The following RIPOR2 variants were observed in gnomAD, a reference collection of about 807,000 sequenced individuals.
The protein encoded by RIPOR2 is RHO family interacting cell polarization regulator 2.
RIPOR2 carries 39 observed loss-of-function variants against 114.5 expected under a neutral mutation model. The observed-to-expected ratio is 0.34, with a 90% CI of 0.26 to 0.44. The LOEUF (loss-of-function observed/expected upper bound fraction) is 0.44. RIPOR2 is among the 20% of genes least tolerant of loss of function. The probability of loss-of-function intolerance (pLI) is 1.00; values close to 1 mark genes in which losing one functional copy is unlikely to be tolerated. For synonymous variants in RIPOR2, 445 were observed against 484.4 expected, an observed-to-expected ratio of 0.92 and a Z score of 1.07; for missense variants, 1,007 against 1,255.1, an observed-to-expected ratio of 0.80 and a Z score of 2.99.
Position 24,805,959 on chromosome 6 carries a change from T to C in RIPOR2, c.*414A>G, listed in dbSNP as rs1780748349. 1 of 163,914 alleles carries C rather than the reference T, an allele frequency of 6.1e-6. No individual in the cohort carries two copies. Among genetic ancestry groups the C allele is most frequent in the Non-Finnish European group, 1.3e-5 (1 of 76,200 alleles). The allele number at this position is 163,914 out of a possible 1,614,324, so 10.2% of individuals were successfully genotyped here. A position where few individuals can be genotyped will look rare whatever the true frequency, so the allele number is the denominator to read the frequency against. On this transcript the variant is annotated 3_prime_UTR_variant, in exon 22 of 22. Coordinates refer to ENST00000643898, the MANE Select transcript of RIPOR2 (RefSeq NM_001286445.3). ...TGTTTTTTTAGTTGTTGTTGTTGTT[T>C]TGTTTTTTGAGACAGGGTTTTGCTC...
chr6:24,870,349 T>A (rs1765037771), intron 5 of RIPOR2, among the ~76,000 whole-genome samples: 1 of 152,222 alleles, frequency 6.6e-6, no homozygotes, highest in Non-Finnish European at 1.5e-5. Context: ...TTAATGGAAG[T>A]GACCTTAAAC....
At chr6:24,850,396 G>T (rs922398546) in intron 10 of RIPOR2, among the ~76,000 whole-genome samples, 2 of 152,056 alleles carry the variant, frequency 1.3e-5, no homozygotes, top group African/African-American at 4.8e-5. Flanking sequence ...CACTACGCCT[G>T]GCCAGAGGTG....
intron 1 of RIPOR2, among the ~76,000 whole-genome samples, chr6:24,934,011 C>A (rs573637282): frequency 7.2e-5 from 11 of 152,316 alleles, no homozygotes; most frequent in Admixed American, 5.9e-4. Flanking sequence ...CACGCATAAT[C>A]CAGAGTGCAG....
chr6:24,940,311 G>A (rs1772056741), upstream of RIPOR2, among the ~76,000 whole-genome samples: 1 of 152,188 alleles, frequency 6.6e-6, no homozygotes, highest in South Asian at 2.1e-4. Flanking sequence ...CAACAGAAGA[G>A]CCTCACAATC....
At chr6:24,851,177 A>G (rs887219575) in intron 9 of RIPOR2, among the ~76,000 whole-genome samples, 29 of 152,114 alleles carry the variant, frequency 1.9e-4, no homozygotes, top group African/African-American at 6.5e-4. Flanking sequence ...TTACAGACAT[A>G]AGCCACTGTG....
rs766425522 is a variant in RIPOR2 at position 25,010,616 on chromosome 6, A to G, written c.76+31235T>C. On this transcript the variant is annotated intron_variant, in intron 1 of 13. Coordinates refer to the RIPOR2 transcript ENST00000510784. ...GATGGCATTTTTTGACTAGAACTCT[A>G]TACTAGGATTGGGCTATGGGAGCGC... Among the ~76,000 whole-genome samples, 24 of 152,206 alleles carry G rather than the reference A, an allele frequency of 1.6e-4. 1 individual carries two copies. The highest frequency in any genetic ancestry group is 1.8e-4 in the Non-Finnish European group (12 of 68,032).
intron 1 of RIPOR2, among the ~76,000 whole-genome samples, chr6:25,038,477 G>A (rs1037012037): frequency 6.6e-6 from 1 of 152,232 alleles, no homozygotes; most frequent in South Asian, 2.1e-4. Flanking sequence ...ACCTAATCAG[G>A]TGAGCCCTTT....
At chr6:24,906,431 C>A (rs928789020) in intron 1 of RIPOR2, among the ~76,000 whole-genome samples, 3 of 152,162 alleles carry the variant, frequency 2.0e-5, no homozygotes, top group Admixed American at 6.5e-5. Flanking sequence ...CCAATCACAG[C>A]CTTCTTCCTT....
chr6:24,882,639 T>C (rs528051023), intron 1 of RIPOR2, among the ~76,000 whole-genome samples: 1 of 152,128 alleles, frequency 6.6e-6, no homozygotes, highest in East Asian at 1.9e-4. Flanking sequence ...CCATACCGTT[T>C]GTATCATCCA....
chr6:25,021,603 A>C (rs572477795), intron 1 of RIPOR2, among the ~76,000 whole-genome samples: 1 of 152,328 alleles, frequency 6.6e-6, no homozygotes, highest in Admixed American at 6.5e-5. Context: ...ATGCAAAGGC[A>C]TAAGAAAGAC....
chr6:24,907,008 A>T (rs933422739), intron 1 of RIPOR2, among the ~76,000 whole-genome samples: 1 of 152,210 alleles, frequency 6.6e-6, no homozygotes, highest in South Asian at 2.1e-4. Flanking sequence ...TGCCCAGTAA[A>T]CACATGCTTA....
intron 1 of RIPOR2, among the ~76,000 whole-genome samples, chr6:24,991,439 G>C (rs1774810876): frequency 6.6e-6 from 1 of 152,072 alleles, no homozygotes; most frequent in Non-Finnish European, 1.5e-5. Flanking sequence ...TATACTAGGA[G>C]GTACATTGCA....
intron 1 of RIPOR2, among the ~76,000 whole-genome samples, chr6:24,956,679 G>A (rs1167182660): frequency 2.1e-5 from 1 of 48,270 alleles, no homozygotes; most frequent in East Asian, 2.3e-3. Context: ...TATGGACCTA[G>A]GCAGTCTGCC....
intron 1 of RIPOR2, among the ~76,000 whole-genome samples, chr6:24,902,766 A>C (rs1768607427): frequency 6.6e-6 from 1 of 152,212 alleles, no homozygotes; most frequent in South Asian, 2.1e-4. Flanking sequence ...GTTTGCTTCT[A>C]ATATACAATT....
intron 4 of RIPOR2, 89 bp from the exon 5 acceptor site, chr6:24,870,978 A>G (rs1765109043): frequency 1.3e-6 from 1 of 743,832 alleles, no homozygotes; most frequent in Non-Finnish European, 2.1e-6. Flanking sequence ...ACATTTGCAC[A>G]TTATCTGTGG....
At chr6:24,914,209 GC>G (rs1389454214) in intron 1 of RIPOR2, among the ~76,000 whole-genome samples, 2 of 152,058 alleles carry the variant, frequency 1.3e-5, no homozygotes, top group Non-Finnish European at 2.9e-5. Flanking sequence ...GGTGGCAGGT[GC>G]CTGTAATCCC....
upstream of RIPOR2, among the ~76,000 whole-genome samples, chr6:24,940,900 C>T (rs1055901145): frequency 6.6e-6 from 1 of 152,140 alleles, no homozygotes; most frequent in East Asian, 1.9e-4. Context: ...GTGATCTGCC[C>T]GCCTTGGCCT....
At position 24,949,031 on chromosome 6, in the gene RIPOR2, T is replaced by C. The variant is rs554194984; in HGVS notation, c.77-73214A>G. Among the ~76,000 whole-genome samples the C allele has an allele frequency of 5.3e-5, 8 of 152,278 alleles. No homozygotes were observed. The South Asian group carries it at 1.5e-3, about 28-fold the overall frequency. On this transcript the variant is annotated intron_variant, in intron 1 of 13. Transcript: ENST00000510784. ...AACAATCCAGGGCTCATTTCATCTC[T>C]GTACATCCATGTCACTCTCTCCTCC...
chr6:24,811,654 GTACTTTTTTTTTTTTTTTT>G (rs1781172329), intron 20 of RIPOR2, among the ~76,000 whole-genome samples: 2 of 33,142 alleles, frequency 6.0e-5, no homozygotes, highest in African/African-American at 1.2e-4. Flanking sequence ...CATTCGTTTA[GTACTTTTTTTTTTTTTTTT>G]TTCTTTTTTT....
Sources: allele counts gnomAD v4.1 joint callset (sites outside exome capture counted in the v4.1 genomes callset), GRCh38; gene constraint gnomAD v4.1.1; transcripts MANE v1.5; gene names NCBI Gene and HGNC (gene_info 2026-07-23, HGNC 2026-07-21).